CHST8: variants seen among roughly 807,000 people sequenced by gnomAD.
CHST8 encodes GALNAC-4-ST1.
Under a neutral mutation model 15.0 loss-of-function variants are expected in CHST8, and 10 were observed. That is an observed-to-expected ratio of 0.67 (90% CI 0.41 to 1.13). The LOEUF (loss-of-function observed/expected upper bound fraction) is 1.13. Among genes scored for constraint, CHST8 ranks in the 50% most tolerant of loss-of-function variants. The probability of loss-of-function intolerance (pLI) is 0.00; values close to 1 mark genes in which losing one functional copy is unlikely to be tolerated. For missense variants in CHST8, 634 were observed against 608.2 expected, an observed-to-expected ratio of 1.04 and a Z score of -0.45; for synonymous variants, 259 against 256.6, an observed-to-expected ratio of 1.01 and a Z score of -0.09.
chr19:33,723,178 T>C (rs1973833428), intron 3 of CHST8, among the ~76,000 whole-genome samples: 1 of 152,166 alleles, frequency 6.6e-6, no homozygotes, highest in Non-Finnish European at 1.5e-5. Flanking sequence ...ATTGGATCTT[T>C]GTGTGTGCGT....
intron 3 of CHST8, among the ~76,000 whole-genome samples, chr19:33,730,355 C>T (rs1271987123): frequency 6.6e-6 from 1 of 152,208 alleles, no homozygotes; most frequent in Non-Finnish European, 1.5e-5. Flanking sequence ...ACTAGTTTCT[C>T]TCTCTGTACA....
At chr19:33,727,133 G>T (rs1239875118) in intron 3 of CHST8, among the ~76,000 whole-genome samples, 1 of 151,898 alleles carries the variant, frequency 6.6e-6, no homozygotes, top group Non-Finnish European at 1.5e-5. Context: ...TGCTCCCCAG[G>T]TGCGTCCTAT....
intron 3 of CHST8, among the ~76,000 whole-genome samples, chr19:33,765,033 A>G (rs1974804777): frequency 9.0e-6 from 1 of 111,390 alleles, no homozygotes; most frequent in Non-Finnish European, 1.9e-5. Context: ...ATTCCTTTTT[A>G]TGGCTAAGTA....
intron 3 of CHST8, among the ~76,000 whole-genome samples, chr19:33,724,495 C>T (rs1192338895): frequency 6.8e-6 from 1 of 146,194 alleles, no homozygotes; most frequent in Non-Finnish European, 1.6e-5. Flanking sequence ...AGCCGGGCTG[C>T]TCTTCCCAGG....
At chr19:33,722,908 T>A (rs941130646) in intron 3 of CHST8, among the ~76,000 whole-genome samples, 3 of 152,170 alleles carry the variant, frequency 2.0e-5, no homozygotes, top group African/African-American at 7.2e-5. Context: ...GGAGCAAGGG[T>A]AAGAGGGGGT....
chr19:33,681,801 G>A (rs982181594), intron 2 of CHST8, among the ~76,000 whole-genome samples: 4 of 152,070 alleles, frequency 2.6e-5, no homozygotes, highest in Non-Finnish European at 5.9e-5. Flanking sequence ...CCTGCTCTGA[G>A]CCTGATGGCT....
chr19:33,743,071 C>A (rs1490570568), intron 3 of CHST8, among the ~76,000 whole-genome samples: 1 of 151,118 alleles, frequency 6.6e-6, no homozygotes, highest in Admixed American at 6.6e-5. Context: ...AGGCTGGTGG[C>A]CCTCTGTTCA....
rs531143092 is a variant in CHST8, at chr19:33,773,474, T to C, written c.*411T>C. 5 of 199,636 alleles carry C rather than the reference T, an allele frequency of 2.5e-5. No homozygotes were observed. The East Asian group carries it at 4.9e-4, about 20-fold the overall frequency. 12.4% of individuals were successfully genotyped at this position (199,636 alleles called of 1,614,324 possible). ...GAGCCAGGGGGGAGGTTCCCTTGGA[T>C]TAAGGTTCCAAATAAAGCACATGGT... On this transcript the variant is annotated 3_prime_UTR_variant, in exon 5 of 5. Transcript: ENST00000650847.
At chr19:33,768,930 A>C (rs931278185) in intron 3 of CHST8, among the ~76,000 whole-genome samples, 1 of 152,248 alleles carries the variant, frequency 6.6e-6, no homozygotes, top group Non-Finnish European at 1.5e-5. Context: ...AGGAAGTTGC[A>C]GGCAGGTTGG....
At chr19:33,727,744 G>C (rs1263092367) in intron 3 of CHST8, among the ~76,000 whole-genome samples, 1 of 152,262 alleles carries the variant, frequency 6.6e-6, no homozygotes, top group Non-Finnish European at 1.5e-5. Context: ...GTGACCAGGT[G>C]CCAAGTGGAT....
At chr19:33,707,020 G>A (rs1401441083) in intron 3 of CHST8, among the ~76,000 whole-genome samples, 1 of 152,202 alleles carries the variant, frequency 6.6e-6, no homozygotes, top group Non-Finnish European at 1.5e-5. Context: ...TGAGTAAGGT[G>A]ATGGGGACTT....
intron 3 of CHST8, among the ~76,000 whole-genome samples, chr19:33,741,610 G>A (rs758447094): frequency 1.5e-4 from 23 of 152,086 alleles, no homozygotes; most frequent in Non-Finnish European, 2.2e-4. Flanking sequence ...TGGGACTTGC[G>A]TGTCTTTTGT....
chr19:33,672,913 A>T (rs867070822), intron 2 of CHST8, among the ~76,000 whole-genome samples: 6 of 152,340 alleles, frequency 3.9e-5, no homozygotes, highest in South Asian at 4.1e-4. Flanking sequence ...GGATGAAGAC[A>T]TCACGTGGGG....
intron 3 of CHST8, among the ~76,000 whole-genome samples, chr19:33,739,583 G>C (rs1974148856): frequency 1.3e-5 from 2 of 152,202 alleles, no homozygotes; most frequent in African/African-American, 4.8e-5. Context: ...TGCGACTCGA[G>C]TGGTTGATAT....
intron 3 of CHST8, among the ~76,000 whole-genome samples, chr19:33,695,653 G>T (rs1973195144): frequency 6.6e-6 from 1 of 151,994 alleles, no homozygotes; most frequent in Non-Finnish European, 1.5e-5. Flanking sequence ...ACTTATAAGT[G>T]AGAACATGCG....
chr19:33,673,534 G>GCT (rs1972770234), intron 2 of CHST8, among the ~76,000 whole-genome samples: 1 of 152,168 alleles, frequency 6.6e-6, no homozygotes, highest in Non-Finnish European at 1.5e-5. Flanking sequence ...TCTGTCTGGG[G>GCT]CTTTTGTCTT....
intron 2 of CHST8, among the ~76,000 whole-genome samples, chr19:33,687,303 C>T (rs1038868441): frequency 6.6e-6 from 1 of 152,220 alleles, no homozygotes; most frequent in Non-Finnish European, 1.5e-5. Context: ...CCAGGGCAGC[C>T]ATGGAGAGAG....
chr19:33,699,470 G>A (rs1973289998), intron 3 of CHST8, among the ~76,000 whole-genome samples: 3 of 152,154 alleles, frequency 2.0e-5, no homozygotes, highest in Non-Finnish European at 1.5e-5. Context: ...CCTGGAAGAG[G>A]GGAACTGTGG....
chr19:33,726,389 C>G (rs1384822904), intron 3 of CHST8, among the ~76,000 whole-genome samples: 1 of 152,080 alleles, frequency 6.6e-6, no homozygotes, highest in Non-Finnish European at 1.5e-5. Context: ...AGCGAGACCC[C>G]GTTTCTACCC....
Sources: gnomAD v4.1 joint callset for allele counts (sites outside exome capture counted in the v4.1 genomes callset) on GRCh38, gnomAD v4.1.1 for gene constraint, MANE v1.5 for transcripts, NCBI Gene and HGNC (gene_info 2026-07-23, HGNC 2026-07-21) for gene names.